The following SEC23B variants were observed in gnomAD, a reference collection of about 807,000 sequenced individuals.
SEC23B encodes protein transport protein Sec23B.
SEC23B carries 77 observed loss-of-function variants against 104.3 expected under a neutral mutation model. The observed-to-expected ratio is 0.74, with a 90% CI of 0.61 to 0.89. The LOEUF (loss-of-function observed/expected upper bound fraction) is 0.89. Ranked by LOEUF, SEC23B falls within the 40% of genes least tolerant of loss-of-function variation. SEC23B has a pLI of 0.00. For synonymous variants in SEC23B, 338 were observed against 332.5 expected (o/e 1.02, Z -0.18); for missense variants, 885 against 949.4 (o/e 0.93, Z 0.89).
At chr20:18,527,368 ACT>A (rs1179576576) in intron 8 of SEC23B, 126 bp from the exon 9 acceptor site, 25 of 734,884 alleles carry the variant, frequency 3.4e-5, no homozygotes, top group Admixed American at 2.4e-4. Flanking sequence ...ACAGAGAGAG[ACT>A]CTGTCACAAA....
intron 6 of SEC23B, 73 bp downstream of exon 6, chr20:18,525,093 A>G: frequency 4.0e-6 from 5 of 1,245,456 alleles, no homozygotes; most frequent in Non-Finnish European, 5.9e-6. Flanking sequence ...AAGGGAAGAA[A>G]AATATTAGAA....
intron 7 of SEC23B, 65 bp from the exon 8 acceptor site, chr20:18,526,308 G>A: frequency 6.4e-7 from 1 of 1,565,498 alleles, no homozygotes; most frequent in Non-Finnish European, 8.8e-7. Context: ...TTTCTATTGG[G>A]AAACTGAAAC....
intron 11 of SEC23B, among the ~76,000 whole-genome samples, chr20:18,533,403 A>AT (rs2060202914): frequency 6.6e-6 from 1 of 152,112 alleles, no homozygotes; most frequent in East Asian, 1.9e-4. Context: ...TTCTTCCCTC[A>AT]TTGTCACCAT....
At chr20:18,526,213 GTGC>G (rs1410080490) in intron 7 of SEC23B, among the ~76,000 whole-genome samples, 157 bp from the exon 8 acceptor site, 7 of 152,220 alleles carry the variant, frequency 4.6e-5, no homozygotes, top group Admixed American at 1.3e-4. Flanking sequence ...AAGAAGACAA[GTGC>G]TGCTTTTCTG....
At chr20:18,510,046 C>G (rs1321235058) in intron 1 of SEC23B, 1 of 152,212 alleles carries the variant, frequency 6.6e-6, no homozygotes, top group African/African-American at 2.4e-5. Flanking sequence ...GTATCCAGCT[C>G]TTTTCTCCAA....
In SEC23B at chr20:18,524,635, G is replaced by T; in HGVS notation, c.569G>T (p.Arg190Leu). The part of the protein sequence containing the change: ...CEGISKSYVF[R>L]GTKDLTAKQI... Reference sequence around the variant, plus strand: ...GGAATCTCCAAAAGTTATGTCTTCCGAGGGACCAAGGATTTAACTGCAAAG... The same window carrying T: ...GGAATCTCCAAAAGTTATGTCTTCCTAGGGACCAAGGATTTAACTGCAAAG... Residue 190 changes from arginine (R) to leucine (L), a missense_variant, in exon 5 of 20, where the codon CGA (arginine) becomes CTA (leucine). Transcript: ENST00000650089. The T allele has an allele frequency of 6.2e-7, 1 of 1,614,108 alleles. No individual in the cohort carries two copies. Among genetic ancestry groups the T allele is most frequent in the Non-Finnish European group, 8.5e-7 (1 of 1,179,986 alleles).
chr20:18,558,451 A>G (rs1181385502), intron 19 of SEC23B, among the ~76,000 whole-genome samples: 2 of 152,126 alleles, frequency 1.3e-5, no homozygotes, highest in Non-Finnish European at 2.9e-5. Context: ...GTAGGTTTCT[A>G]TCTCTTGCCA....
At chr20:18,551,203 TTC>T (rs1446521198) in intron 17 of SEC23B, 28 bp downstream of exon 17, 1 of 1,268,804 alleles carries the variant, frequency 7.9e-7, no homozygotes, top group Non-Finnish European at 1.1e-6. Context: ...ATTAATTAAT[TTC>T]TTTTTGTTTT....
At chr20:18,538,552 C>T (rs760935668) in intron 12 of SEC23B, among the ~76,000 whole-genome samples, 19 of 152,110 alleles carry the variant, frequency 1.2e-4, no homozygotes, top group Non-Finnish European at 2.2e-4. Flanking sequence ...CATGCCTGGC[C>T]GGAATTTCTT....
intron 14 of SEC23B, 49 bp from the exon 15 acceptor site, chr20:18,545,907 C>T: frequency 2.7e-6 from 3 of 1,093,892 alleles, no homozygotes; most frequent in Non-Finnish European, 4.2e-6. Context: ...AGATTTTTCT[C>T]TCTCTTTTTG....
intron 11 of SEC23B, among the ~76,000 whole-genome samples, chr20:18,534,162 T>C (rs1162544222): frequency 2.0e-5 from 3 of 152,232 alleles, no homozygotes; most frequent in Non-Finnish European, 4.4e-5. Context: ...ATCAACTTTT[T>C]TTTTGCCGAC....
At chr20:18,517,327 G>A (rs1311550090) in intron 4 of SEC23B, among the ~76,000 whole-genome samples, 2 of 152,206 alleles carry the variant, frequency 1.3e-5, no homozygotes, top group East Asian at 1.9e-4. Context: ...CACAAAGTAC[G>A]TTCTCAAGGG....
At chr20:18,533,063 C>T (rs2060200746) in intron 11 of SEC23B, among the ~76,000 whole-genome samples, 1 of 152,204 alleles carries the variant, frequency 6.6e-6, no homozygotes, top group South Asian at 2.1e-4. Flanking sequence ...GCATGCTGTT[C>T]AGCACAAGGC....
intron 19 of SEC23B, among the ~76,000 whole-genome samples, chr20:18,557,317 TTTAA>T (rs1339805473): frequency 6.6e-6 from 1 of 152,154 alleles, no homozygotes; most frequent in African/African-American, 2.4e-5. Flanking sequence ...GTTTTTTTAT[TTTAA>T]TTGAGATGAG....
rs751916454 is a variant in SEC23B at position 18,551,179 on chromosome 20, A to G, written c.1992+4A>G. Reference sequence around the variant, plus strand: ...AATTGTCATTTATCTTGGTGAGGTAAGATGATATTATTAATTAATTAATTT... The same window carrying G: ...AATTGTCATTTATCTTGGTGAGGTAGGATGATATTATTAATTAATTAATTT... On this transcript the variant is annotated splice_donor_region_variant and intron_variant, in intron 17 of 19. Transcript: ENST00000650089. 1.4e-6 allele frequency: 2 copies of G among 1,465,474 alleles called. No homozygotes were observed. The highest frequency in any genetic ancestry group is 1.9e-6 in the Non-Finnish European group (2 of 1,052,368). 90.8% of individuals were successfully genotyped at this position (1,465,474 alleles called of 1,614,324 possible). A position where few individuals can be genotyped will look rare whatever the true frequency, so the allele number is the denominator to read the frequency against.
At chr20:18,549,991 AAG>A (rs1447651957) in intron 16 of SEC23B, among the ~76,000 whole-genome samples, 3 of 147,806 alleles carry the variant, frequency 2.0e-5, no homozygotes, top group Non-Finnish European at 4.5e-5. Context: ...AAAAATAAAA[AAG>A]AAATAATTAC....
At chr20:18,515,554 C>T in intron 3 of SEC23B, 96 bp from the exon 4 acceptor site, 1 of 746,122 alleles carries the variant, frequency 1.3e-6, no homozygotes, top group Non-Finnish European at 2.4e-6. Context: ...CTCAAGTGTT[C>T]CTCTCGTCTT....
At chr20:18,560,597 A>G (rs1430262803) in intron 19 of SEC23B, 54 bp from the exon 20 acceptor site, 2 of 1,419,090 alleles carry the variant, frequency 1.4e-6, no homozygotes, top group Non-Finnish European at 2.0e-6. Flanking sequence ...CAGCTCATGA[A>G]TTCTAATCAG....
At chr20:18,543,378 C>T (rs1366120257) in intron 14 of SEC23B, among the ~76,000 whole-genome samples, 3 of 152,164 alleles carry the variant, frequency 2.0e-5, no homozygotes, top group African/African-American at 7.2e-5. Flanking sequence ...GAAGAAACAA[C>T]ACGCATGGAG....
Sources: allele counts gnomAD v4.1 joint callset (sites outside exome capture counted in the v4.1 genomes callset), GRCh38; gene constraint gnomAD v4.1.1; transcripts MANE v1.5; gene names NCBI Gene and HGNC (gene_info 2026-07-23, HGNC 2026-07-21).